TJP1: variants seen among roughly 807,000 people sequenced by gnomAD.
TJP1 encodes tight junction protein 1.
In TJP1, 43 loss-of-function variants were observed where a neutral mutation model predicts 194.2. The observed-to-expected ratio is 0.22, with a 90% CI of 0.17 to 0.29. The LOEUF is 0.29. Among genes scored for constraint, TJP1 ranks in the 10% least tolerant of loss-of-function variants. TJP1 has a pLI of 1.00. For missense variants in TJP1, 1,971 were observed against 2,185.7 expected, an observed-to-expected ratio of 0.90 and a Z score of 1.96; for synonymous variants, 801 against 779.0, an observed-to-expected ratio of 1.03 and a Z score of -0.47.
chr15:29,939,199 C>T (rs1198028361), intron 2 of TJP1, among the ~76,000 whole-genome samples: 1 of 152,190 alleles, frequency 6.6e-6, no homozygotes, highest in East Asian at 1.9e-4. Flanking sequence ...GATGCTGAGG[C>T]TCAATTTAAA....
rs1291202151 is a variant in TJP1 at position 29,909,061 on chromosome 15, G to A, written c.306+47171C>T. On this transcript the variant is annotated intron_variant, in intron 2 of 28. Transcript: ENST00000356107. ...AGTCCCAGCTACTCAGGAGGCTGAGGCAGGAGAATGGCATGAACCCAGGAG... is the reference window on the plus strand; with the variant it reads ...AGTCCCAGCTACTCAGGAGGCTGAGACAGGAGAATGGCATGAACCCAGGAG... 2.0e-5 allele frequency among the ~76,000 whole-genome samples: 3 copies of A among 151,752 alleles called. No individual in the cohort carries two copies. The East Asian group carries it at 5.8e-4, about 29-fold the overall frequency.
intron 2 of TJP1, among the ~76,000 whole-genome samples, chr15:29,849,531 C>T (rs1246176547): frequency 2.6e-5 from 4 of 151,376 alleles, no homozygotes; most frequent in African/African-American, 9.7e-5. Context: ...CTGAGGTCAG[C>T]AATTTGATAC....
At chr15:29,968,212 C>T (rs2056396236) in intron 1 of TJP1, 2 of 985,434 alleles carry the variant, frequency 2.0e-6, no homozygotes, top group Non-Finnish European at 2.4e-6. Context: ...TCGTCCTCTA[C>T]TATGCACTCA....
chr15:29,832,894 A>G (rs556807506), intron 2 of TJP1, among the ~76,000 whole-genome samples: 2 of 152,314 alleles, frequency 1.3e-5, no homozygotes, highest in East Asian at 3.9e-4. Context: ...CTGCAACCCA[A>G]GTGGCCAGTG....
At chr15:29,885,187 G>A (rs1033514789) in intron 2 of TJP1, among the ~76,000 whole-genome samples, 1 of 152,088 alleles carries the variant, frequency 6.6e-6, no homozygotes, top group African/African-American at 2.4e-5. Flanking sequence ...ACTTATGATA[G>A]GGAATCCTAA....
intron 2 of TJP1, among the ~76,000 whole-genome samples, chr15:29,953,064 C>T (rs1228219124): frequency 6.7e-6 from 1 of 149,942 alleles, no homozygotes; most frequent in Admixed American, 6.7e-5. Flanking sequence ...CTTTCATCTT[C>T]TAAGAAACCC....
intron 2 of TJP1, among the ~76,000 whole-genome samples, chr15:29,954,600 TG>T: frequency 6.6e-6 from 1 of 152,336 alleles, no homozygotes; most frequent in African/African-American, 2.4e-5. Context: ...AAGAATTTAC[TG>T]TCTTTTTATT....
chr15:29,949,619 A>ACTT (rs2055530763), intron 2 of TJP1, among the ~76,000 whole-genome samples: 1 of 91,094 alleles, frequency 1.1e-5, no homozygotes, highest in East Asian at 4.7e-4. Context: ...CTTCACCACC[A>ACTT]CCACCTCCAC....
At chr15:29,740,114 A>G (rs2044301596) in intron 10 of TJP1, among the ~76,000 whole-genome samples, 1 of 151,806 alleles carries the variant, frequency 6.6e-6, no homozygotes, top group African/African-American at 2.4e-5. Context: ...CAACCTCCCG[A>G]GTAGCTGGGA....
intron 15 of TJP1, among the ~76,000 whole-genome samples, chr15:29,729,851 T>C (rs889902691): frequency 6.8e-6 from 1 of 147,002 alleles, no homozygotes; most frequent in African/African-American, 2.5e-5. Context: ...TTACTGAGGG[T>C]CATATAGTGC....
intron 2 of TJP1, among the ~76,000 whole-genome samples, chr15:29,799,819 C>T (rs2048666948): frequency 1.3e-5 from 2 of 151,944 alleles, no homozygotes; most frequent in Non-Finnish European, 2.9e-5. Flanking sequence ...TGATTCTTTC[C>T]CCTTTCCATC....
intron 1 of TJP1, among the ~76,000 whole-genome samples, chr15:29,967,601 T>C (rs1013290943): frequency 1.3e-5 from 2 of 152,206 alleles, no homozygotes; most frequent in Non-Finnish European, 1.5e-5. Context: ...TTGCTGTCCA[T>C]ATTTGTCTTA....
intron 2 of TJP1, among the ~76,000 whole-genome samples, chr15:29,775,882 G>A (rs565351554): frequency 6.6e-6 from 1 of 152,146 alleles, no homozygotes; most frequent in East Asian, 1.9e-4. Context: ...GGAGAAAAAA[G>A]CAGCAAAATT....
In TJP1 at chr15:29,748,922, ATGTGTGTG is replaced by A. The variant is rs112772922; in HGVS notation, c.1011-6149_1011-6142del. ...TGGCTCTCCATATTTAAGCTTAAAA[ATGTGTGTG>A]TGTGTGTGTGTGTGTGTGTGTGTGC... On this transcript the variant is annotated intron_variant, in intron 8 of 27. Transcript: ENST00000614355. 2.1e-4 allele frequency among the ~76,000 whole-genome samples: 22 copies of A among 104,692 alleles called. 1 individual carries two copies. The highest frequency in any genetic ancestry group is 1.0e-3 in the East Asian group (3 of 3,010). The allele number at this position is 104,692 out of a possible 152,430, so 68.7% of individuals were successfully genotyped here.
intron 1 of TJP1, among the ~76,000 whole-genome samples, chr15:29,807,110 G>A (rs1172135230): frequency 6.6e-6 from 1 of 152,184 alleles, no homozygotes; most frequent in African/African-American, 2.4e-5. Context: ...ATTTACAAAT[G>A]TATCACTGTG....
chr15:29,727,991 G>C lies in TJP1; in HGVS notation c.2046C>G (p.Asp682Glu). 6.2e-7 allele frequency: 1 copy of C among 1,614,068 alleles called. No homozygotes were observed. Among genetic ancestry groups the C allele is most frequent in the Non-Finnish European group, 8.5e-7 (1 of 1,180,004 alleles). Residue 682 changes from aspartate (D) to glutamate (E), a missense_variant, in exon 16 of 28, where the codon GAC (aspartate) becomes GAG (glutamate). Asp to Glu is a conservative substitution (Grantham distance 45). This residue lies in a region of TJP1 where 402 missense variants were observed against 484.2 expected (regional missense o/e 0.83). Transcript: ENST00000614355. ...GGCGAATAATGCCAGAGCTACGTTG[G>C]TCAGTTCCAGCGTCTCGTGGTTCAC... ...AKSEPRDAGT[D>E]QRSSGIIRLH... is the part of the protein sequence containing the mutation.
intron 2 of TJP1, among the ~76,000 whole-genome samples, chr15:29,829,606 G>C (rs1567113092): frequency 6.8e-6 from 1 of 148,044 alleles, no homozygotes. Flanking sequence ...CAAGATGGCA[G>C]GGAGTGCCAA....
intron 2 of TJP1, among the ~76,000 whole-genome samples, chr15:29,845,487 A>C (rs2051372068): frequency 6.6e-6 from 1 of 152,156 alleles, no homozygotes; most frequent in African/African-American, 2.4e-5. Context: ...AAGCAAAATA[A>C]AGAAGACAAA....
At chr15:29,731,152 A>G (rs547473225) in intron 15 of TJP1, among the ~76,000 whole-genome samples, 7 of 149,514 alleles carry the variant, frequency 4.7e-5, no homozygotes, top group Non-Finnish European at 7.4e-5. Flanking sequence ...GGGAAGGGGC[A>G]TATGTCACTA....
Sources: gnomAD v4.1 joint callset for allele counts (sites outside exome capture counted in the v4.1 genomes callset) on GRCh38, gnomAD v4.1.1 for gene constraint, gnomAD v4.1.1 regional missense constraint, MANE v1.5 for transcripts, NCBI Gene and HGNC (gene_info 2026-07-23, HGNC 2026-07-21) for gene names.